Variants in FGF12 observed in about 807,000 individuals in gnomAD.
The protein encoded by FGF12 is fibroblast growth factor 12, also known as fibroblast growth factor 12B.
In FGF12, 14 loss-of-function variants were observed where a neutral mutation model predicts 23.6. That is an observed-to-expected ratio of 0.59 (90% CI 0.39 to 0.93). FGF12 has a LOEUF of 0.93. Among genes scored for constraint, FGF12 ranks in the 40% least tolerant of loss-of-function variants. The pLI is 0.00. For synonymous variants in FGF12, 62 were observed against 77.3 expected (o/e 0.80, Z 1.04); for missense variants, 175 against 217.8 (o/e 0.80, Z 1.24).
At chr3:192,227,113 T>C (rs1053771544) in intron 4 of FGF12, among the ~76,000 whole-genome samples, 1 of 152,056 alleles carries the variant, frequency 6.6e-6, no homozygotes, top group Non-Finnish European at 1.5e-5. Flanking sequence ...ATTTCTGTTG[T>C]TTACAAGCCA....
In FGF12 at chr3:192,564,438, G is replaced by A. The variant is rs116631480; in HGVS notation, c.13+162743C>T. Among the ~76,000 whole-genome samples, 584 of 152,194 alleles carry A rather than the reference G, an allele frequency of 3.8e-3. 4 individuals are homozygous for A. Among genetic ancestry groups the A allele is most frequent in the Middle Eastern group, 0.017 (5 of 294 alleles). ...TACCTCAGGGATTACATTTTTTCAT[G>A]TCCACTTTATGCTTCGGGGACAGTA... On this transcript the variant is annotated intron_variant, in intron 2 of 5. Transcript: ENST00000445105.
intron 2 of FGF12, among the ~76,000 whole-genome samples, chr3:192,605,851 T>C (rs1377995301): frequency 2.0e-5 from 3 of 152,146 alleles, no homozygotes; most frequent in African/African-American, 7.2e-5. Context: ...ATGGCTATTA[T>C]TAAAAAGTCA....
chr3:192,497,452 C>T (rs1192077723), intron 2 of FGF12, among the ~76,000 whole-genome samples: 1 of 152,204 alleles, frequency 6.6e-6, no homozygotes, highest in East Asian at 1.9e-4. Flanking sequence ...CAGAGGGATC[C>T]GTTTATAAAT....
intron 2 of FGF12, among the ~76,000 whole-genome samples, chr3:192,650,250 G>A (rs1053608592): frequency 2.0e-5 from 3 of 152,176 alleles, no homozygotes; most frequent in Admixed American, 6.5e-5. Flanking sequence ...CCAGGAACTT[G>A]TCCTTACCTC....
chr3:192,198,348 A>C (rs1717187240), intron 4 of FGF12, among the ~76,000 whole-genome samples: 1 of 152,184 alleles, frequency 6.6e-6, no homozygotes, highest in South Asian at 2.1e-4. Context: ...GCTTTAGTTA[A>C]TATCTATTTT....
intron 2 of FGF12, among the ~76,000 whole-genome samples, chr3:192,390,636 C>T (rs1720250152): frequency 6.6e-6 from 1 of 152,036 alleles, no homozygotes; most frequent in Admixed American, 6.5e-5. Flanking sequence ...ATGACCATGA[C>T]CATGCTAATT....
At chr3:192,169,912 A>G (rs1715448804) in intron 5 of FGF12, among the ~76,000 whole-genome samples, 1 of 151,150 alleles carries the variant, frequency 6.6e-6, no homozygotes, top group Non-Finnish European at 1.5e-5. Flanking sequence ...TTACGAGAGA[A>G]AAGGTTATAG....
chr3:192,225,362 T>C (rs1033514110), intron 4 of FGF12, among the ~76,000 whole-genome samples: 1 of 152,092 alleles, frequency 6.6e-6, no homozygotes, highest in Non-Finnish European at 1.5e-5. Flanking sequence ...ATCTCGTCTT[T>C]GATTTTTCCA....
At chr3:192,618,731 T>A (rs1038050438) in intron 2 of FGF12, among the ~76,000 whole-genome samples, 7 of 151,998 alleles carry the variant, frequency 4.6e-5, no homozygotes, top group African/African-American at 1.7e-4. Context: ...CAAATGTGGC[T>A]TCTGCCTTCA....
At chr3:192,421,154 T>G (rs1365002017) in intron 2 of FGF12, among the ~76,000 whole-genome samples, 1 of 152,078 alleles carries the variant, frequency 6.6e-6, no homozygotes, top group Non-Finnish European at 1.5e-5. Context: ...ATCTTTAAAA[T>G]TAGAAAGTAA....
At chr3:192,575,583 A>G (rs1401837167) in intron 2 of FGF12, among the ~76,000 whole-genome samples, 4 of 152,188 alleles carry the variant, frequency 2.6e-5, no homozygotes, top group Non-Finnish European at 5.9e-5. Flanking sequence ...TAGGGCTTCC[A>G]TATTGAAGTC....
At chr3:192,547,209 G>A (rs1243397625) in intron 2 of FGF12, among the ~76,000 whole-genome samples, 2 of 152,154 alleles carry the variant, frequency 1.3e-5, no homozygotes, top group African/African-American at 4.8e-5. Context: ...ATCCTTTATA[G>A]AAAACAGAGT....
chr3:192,686,472 T>C (rs763664238), intron 2 of FGF12, among the ~76,000 whole-genome samples: 1 of 152,140 alleles, frequency 6.6e-6, no homozygotes, highest in Non-Finnish European at 1.5e-5. Flanking sequence ...CACCATTCTA[T>C]CTCACCGACC....
chr3:192,678,005 T>C (rs998958129), intron 2 of FGF12, among the ~76,000 whole-genome samples: 102 of 152,366 alleles, frequency 6.7e-4, no homozygotes, highest in African/African-American at 2.5e-3. Context: ...AAAGCTACTC[T>C]ATCATAAGTA....
chr3:192,549,098 C>T (rs1725567095), intron 2 of FGF12, among the ~76,000 whole-genome samples: 1 of 152,100 alleles, frequency 6.6e-6, no homozygotes, highest in South Asian at 2.1e-4. Context: ...CTAACTGTTG[C>T]TCAGGCTAAG....
intron 2 of FGF12, among the ~76,000 whole-genome samples, chr3:192,388,066 A>G (rs1327328413): frequency 6.6e-6 from 1 of 152,092 alleles, no homozygotes; most frequent in Non-Finnish European, 1.5e-5. Flanking sequence ...CAAGACCAGT[A>G]TAGGCAACAT....
chr3:192,634,517 G>A (rs1715509525), intron 2 of FGF12, among the ~76,000 whole-genome samples: 1 of 152,064 alleles, frequency 6.6e-6, no homozygotes, highest in Non-Finnish European at 1.5e-5. Flanking sequence ...GGTATCCACA[G>A]GATGTCCTCA....
intron 2 of FGF12, among the ~76,000 whole-genome samples, chr3:192,560,173 T>C (rs1426019663): frequency 6.6e-6 from 1 of 152,062 alleles, no homozygotes; most frequent in African/African-American, 2.4e-5. Context: ...AGATAATTTC[T>C]GAAAATGTAT....
At chr3:192,234,505 C>T (rs1417877509) in intron 4 of FGF12, among the ~76,000 whole-genome samples, 2 of 152,272 alleles carry the variant, frequency 1.3e-5, no homozygotes, top group South Asian at 2.1e-4. Context: ...GACTCCCTCT[C>T]TTCCTATTTG....
Sources: gnomAD v4.1 joint callset for allele counts (sites outside exome capture counted in the v4.1 genomes callset) on GRCh38, gnomAD v4.1.1 for gene constraint, MANE v1.5 for transcripts, NCBI Gene and HGNC (gene_info 2026-07-23, HGNC 2026-07-21) for gene names.